HS3ST5: variants seen among roughly 807,000 people sequenced by gnomAD.
HS3ST5 encodes the protein heparan sulfate-glucosamine 3-sulfotransferase 5.
In HS3ST5, 10 loss-of-function variants were observed where a neutral mutation model predicts 25.4. The observed-to-expected ratio is 0.39, with a 90% CI of 0.24 to 0.67. The LOEUF (loss-of-function observed/expected upper bound fraction) is 0.67, where lower values mean the gene tolerates loss of function less well. Ranked by LOEUF, HS3ST5 falls within the 30% of genes least tolerant of loss-of-function variation. The pLI, the probability that HS3ST5 is intolerant of heterozygous loss-of-function variation, is 0.44. For synonymous variants in HS3ST5, 170 were observed against 162.4 expected, an observed-to-expected ratio of 1.05 and a Z score of -0.36; for missense variants, 324 against 420.7, an observed-to-expected ratio of 0.77 and a Z score of 2.01.
intron 3 of HS3ST5, among the ~76,000 whole-genome samples, chr6:114,081,417 C>T (rs749349232): frequency 6.0e-5 from 9 of 151,042 alleles, no homozygotes; most frequent in Non-Finnish European, 1.2e-4. Context: ...AAACAAGGTA[C>T]GCACAAATTT....
intron 2 of HS3ST5, among the ~76,000 whole-genome samples, chr6:114,191,602 GTT>G (rs1385209806): frequency 6.6e-6 from 1 of 152,138 alleles, no homozygotes; most frequent in African/African-American, 2.4e-5. Flanking sequence ...CTTCATTTCT[GTT>G]TCAGCATTAA....
chr6:114,075,553 A>G (rs764124220), intron 3 of HS3ST5, among the ~76,000 whole-genome samples: 1 of 152,192 alleles, frequency 6.6e-6, no homozygotes, highest in Non-Finnish European at 1.5e-5. Context: ...TGTGCTCAGA[A>G]AGGCCCTGTG....
chr6:114,086,764 G>A (rs551737155), intron 3 of HS3ST5, among the ~76,000 whole-genome samples: 65 of 152,170 alleles, frequency 4.3e-4, no homozygotes, highest in Non-Finnish European at 6.6e-4. Flanking sequence ...CTTTTTGTTC[G>A]GGGAACACAG....
At chr6:114,249,755 G>T (rs1159131127) in intron 1 of HS3ST5, among the ~76,000 whole-genome samples, 1 of 152,162 alleles carries the variant, frequency 6.6e-6, no homozygotes, top group Admixed American at 6.5e-5. Context: ...CCTCTGTCAT[G>T]ACAGTGTTAC....
At chr6:114,235,816 T>C (rs1771829678) in intron 1 of HS3ST5, 1 of 152,216 alleles carries the variant, frequency 6.6e-6, no homozygotes. Flanking sequence ...CAAATTTCCC[T>C]TTGTCTGGAT....
intron 3 of HS3ST5, among the ~76,000 whole-genome samples, chr6:114,150,486 T>C (rs1453822449): frequency 1.3e-5 from 2 of 152,182 alleles, no homozygotes; most frequent in Non-Finnish European, 2.9e-5. Flanking sequence ...ATATGAGAAA[T>C]AGTACAAGTG....
At chr6:114,077,116 T>C (rs1189312596) in intron 3 of HS3ST5, among the ~76,000 whole-genome samples, 1 of 152,208 alleles carries the variant, frequency 6.6e-6, no homozygotes, top group Non-Finnish European at 1.5e-5. Flanking sequence ...ATAACAGGCA[T>C]AGATTATTTA....
At chr6:114,223,787 T>G (rs1350334753) in intron 2 of HS3ST5, among the ~76,000 whole-genome samples, 2 of 151,756 alleles carry the variant, frequency 1.3e-5, no homozygotes, top group Non-Finnish European at 3.0e-5. Flanking sequence ...GGTTAATGAG[T>G]AGTTTTAATT....
chr6:114,300,631 A>T (rs1205592088), intron 1 of HS3ST5, among the ~76,000 whole-genome samples: 2 of 152,178 alleles, frequency 1.3e-5, no homozygotes, highest in Non-Finnish European at 2.9e-5. Flanking sequence ...TTGCCATATG[A>T]CCCAGCAATT....
intron 3 of HS3ST5, among the ~76,000 whole-genome samples, chr6:114,157,904 T>G (rs1778774529): frequency 6.6e-6 from 1 of 152,172 alleles, no homozygotes; most frequent in Non-Finnish European, 1.5e-5. Context: ...CAGGCTTTCT[T>G]GAAATCTTTC....
intron 2 of HS3ST5, among the ~76,000 whole-genome samples, chr6:114,201,966 C>G (rs1044676800): frequency 6.6e-6 from 1 of 151,838 alleles, no homozygotes; most frequent in African/African-American, 2.4e-5. Context: ...GCAGCTGCCC[C>G]CATGATTCAA....
At chr6:114,175,870 G>A (rs1170077116) in intron 2 of HS3ST5, among the ~76,000 whole-genome samples, 1 of 152,118 alleles carries the variant, frequency 6.6e-6, no homozygotes, top group Non-Finnish European at 1.5e-5. Flanking sequence ...GTATAAAAAA[G>A]ACATTCTTTC....
intron 3 of HS3ST5, among the ~76,000 whole-genome samples, chr6:114,090,297 C>T (rs1279248794): frequency 6.6e-6 from 1 of 152,096 alleles, no homozygotes; most frequent in Non-Finnish European, 1.5e-5. Flanking sequence ...ATTTGGCAAT[C>T]TGGTTTATTA....
At position 114,298,561 on chromosome 6, in the gene HS3ST5, C is replaced by T. The variant is rs567038611; in HGVS notation, c.-339+43634G>A. Among the ~76,000 whole-genome samples, 11 of 152,266 alleles carry T rather than the reference C, an allele frequency of 7.2e-5. No individual in the cohort carries two copies. In the South Asian group the frequency reaches 1.2e-3, roughly 17 times the overall value. On this transcript the variant is annotated intron_variant, in intron 1 of 4. Coordinates refer to ENST00000312719, the MANE Select transcript of HS3ST5 (RefSeq NM_153612.4). ...ATCATATAACTTGCCCAAACTCATA[C>T]GGCCAAGTGTTAGAGTCAGGATTCA...
intron 2 of HS3ST5, among the ~76,000 whole-genome samples, chr6:114,194,455 T>A (rs1323476006): frequency 6.6e-6 from 1 of 152,164 alleles, no homozygotes; most frequent in Non-Finnish European, 1.5e-5. Context: ...GCCTTTAGGC[T>A]TTCTTATGTA....
intron 3 of HS3ST5, among the ~76,000 whole-genome samples, chr6:114,114,652 T>C (rs950244430): frequency 1.3e-5 from 2 of 152,130 alleles, no homozygotes; most frequent in African/African-American, 4.8e-5. Context: ...TATGTTTTTA[T>C]GATTGGCACA....
chr6:114,072,093 C>T (rs1177454251), intron 3 of HS3ST5, among the ~76,000 whole-genome samples: 1 of 152,032 alleles, frequency 6.6e-6, no homozygotes. Flanking sequence ...ACTCTGCCTC[C>T]CTATGAAGTT....
chr6:114,220,488 CG>C (rs1781980086), intron 2 of HS3ST5, among the ~76,000 whole-genome samples: 1 of 151,918 alleles, frequency 6.6e-6, no homozygotes, highest in Non-Finnish European at 1.5e-5. Flanking sequence ...CCTAAGGACT[CG>C]GAGGAACCCA....
intron 3 of HS3ST5, among the ~76,000 whole-genome samples, chr6:114,126,438 T>C (rs1418920394): frequency 1.3e-5 from 2 of 152,154 alleles, no homozygotes; most frequent in East Asian, 3.9e-4. Context: ...AAGCACTATC[T>C]ATACACATAT....
Sources: gnomAD v4.1 joint callset for allele counts (sites outside exome capture counted in the v4.1 genomes callset) on GRCh38, gnomAD v4.1.1 for gene constraint, MANE v1.5 for transcripts, NCBI Gene and HGNC (gene_info 2026-07-23, HGNC 2026-07-21) for gene names.